The following RFX4 variants were observed in gnomAD, a reference collection of about 807,000 sequenced individuals.
The protein encoded by RFX4 is transcription factor RFX4.
In RFX4, 10 loss-of-function variants were observed where a neutral mutation model predicts 95.0. The ratio of observed to expected loss-of-function variants is 0.11; its 90% CI spans 0.06 to 0.18. RFX4 has a LOEUF of 0.18. RFX4 is among the 10% of genes least tolerant of loss of function. RFX4 has a pLI of 1.00. For missense variants in RFX4, 640 were observed against 922.0 expected (o/e 0.69, Z 3.96); for synonymous variants, 321 against 340.7 (o/e 0.94, Z 0.64).
chr12:106,632,808 C>T (rs901640041), intron 2 of RFX4, among the ~76,000 whole-genome samples: 2 of 151,960 alleles, frequency 1.3e-5, no homozygotes, highest in African/African-American at 4.8e-5. Context: ...TGCATGCCAC[C>T]GTATCTGGCA....
chr12:106,639,255 T>C, intron 2 of RFX4, 77 bp from the exon 3 acceptor site: 3 of 1,255,716 alleles, frequency 2.4e-6, no homozygotes, highest in Non-Finnish European at 1.1e-6. Context: ...CTTTTGAAAC[T>C]TGGGAGAGTC....
In RFX4 at chr12:106,710,839, A is replaced by G. The variant is rs150036605; in HGVS notation, c.935-614A>G. ...GTCTGCGTTGAAATCCACAGATATA[A>G]GATCACCCTACTTCAAATTATCAGC... On this transcript the variant is annotated intron_variant, in intron 9 of 17. Coordinates refer to ENST00000392842, the MANE Select transcript of RFX4 (RefSeq NM_213594.3). 1.1e-3 allele frequency among the ~76,000 whole-genome samples: 163 copies of G among 152,326 alleles called. 2 individuals carry two copies. The highest frequency in any genetic ancestry group is 6.2e-3 in the East Asian group (32 of 5,192).
intron 8 of RFX4, among the ~76,000 whole-genome samples, chr12:106,704,839 G>T (rs548492010): frequency 9.9e-5 from 15 of 152,218 alleles, no homozygotes; most frequent in Non-Finnish European, 2.2e-4. Flanking sequence ...ATGTGTGTGT[G>T]TGCGCGTGTG....
intron 5 of RFX4, chr12:106,683,501 C>T (rs1049446151): frequency 1.0e-4 from 5 of 47,976 alleles, no homozygotes; most frequent in Admixed American, 8.9e-4. Flanking sequence ...AAAAAACAAA[C>T]CTCAGTTATA....
intron 1 of RFX4, chr12:106,601,252 A>AGAGACAGAAAGGGGCT (rs2039700081): frequency 1.9e-6 from 3 of 1,570,212 alleles, no homozygotes; most frequent in Non-Finnish European, 2.6e-6. Flanking sequence ...GAGCCAGGAG[A>AGAGACAGAAAGGGGCT]GAGACAGAAA....
At chr12:106,668,850 T>G (rs77424084) in intron 4 of RFX4, among the ~76,000 whole-genome samples, 1 of 152,130 alleles carries the variant, frequency 6.6e-6, no homozygotes, top group South Asian at 2.1e-4. Flanking sequence ...GAGGGTGACA[T>G]GATTCATGGT....
rs758230689 is a variant in RFX4, at chr12:106,715,453, C to T, written c.1047C>T (p.Asp349=). ...SADITFQMLE[D]WRNVDLNSIT... ...ACATCACGTTCCAAATGCTGGAAGACTGGAGGAACGTGGACCTGAACAGCA... is the reference window on the plus strand; with the variant it reads ...ACATCACGTTCCAAATGCTGGAAGATTGGAGGAACGTGGACCTGAACAGCA... The change falls in exon 11 of 18, where the codon GAC becomes GAT. Residue 349 remains aspartate, a synonymous_variant. Transcript: ENST00000392842. 5.0e-6 allele frequency: 8 copies of T among 1,614,066 alleles called. No homozygotes were observed. The Admixed American group carries it at 1.2e-4, about 24-fold the overall frequency.
At chr12:106,742,736 T>C (rs1328585438) in intron 15 of RFX4, among the ~76,000 whole-genome samples, 2 of 152,182 alleles carry the variant, frequency 1.3e-5, no homozygotes. Context: ...AGACCTGCAT[T>C]GAAATCCCAA....
intron 4 of RFX4, chr12:106,681,275 C>T (rs2041504666): frequency 6.6e-6 from 1 of 152,198 alleles, no homozygotes; most frequent in Admixed American, 6.5e-5. Flanking sequence ...AGCGTGTGTT[C>T]AAGCAGGAGG....
intron 4 of RFX4, among the ~76,000 whole-genome samples, chr12:106,669,526 G>A (rs2041240473): frequency 6.6e-6 from 1 of 152,020 alleles, no homozygotes; most frequent in African/African-American, 2.4e-5. Flanking sequence ...GCATTGGAGA[G>A]AACAGAGACT....
At chr12:106,719,650 A>C (rs1232113648) in intron 11 of RFX4, among the ~76,000 whole-genome samples, 1 of 152,190 alleles carries the variant, frequency 6.6e-6, no homozygotes, top group Non-Finnish European at 1.5e-5. Flanking sequence ...CAGCTGGGAC[A>C]TGAGGAACCA....
intron 13 of RFX4, among the ~76,000 whole-genome samples, chr12:106,730,776 G>A (rs920874777): frequency 6.6e-6 from 1 of 152,162 alleles, no homozygotes; most frequent in Non-Finnish European, 1.5e-5. Context: ...CGAGGTAGGT[G>A]GATCACCTGA....
Position 106,720,927 on chromosome 12 carries a change from C to A in RFX4, c.1351+51C>A. On this transcript the variant is annotated intron_variant, in intron 13 of 17. Transcript: ENST00000392842. This position sits in a 1 kb window ranked among gnomAD's most constrained non-coding sequence, Gnocchi z 4.2. ...CTCCAAGCACTTTTTCCTCTGGGCA[C>A]GGAGCCCAGAGGAATCTACCACAGT... 3 of 1,519,826 alleles carry A rather than the reference C, an allele frequency of 2.0e-6. No homozygotes were observed. The highest frequency in any genetic ancestry group is 2.7e-6 in the Non-Finnish European group (3 of 1,096,178). 94.1% of individuals were successfully genotyped at this position (1,519,826 alleles called of 1,614,324 possible). A position where few individuals can be genotyped will look rare whatever the true frequency, so the allele number is the denominator to read the frequency against.
intron 4 of RFX4, among the ~76,000 whole-genome samples, chr12:106,662,837 GC>G (rs1230294621): frequency 6.6e-6 from 1 of 152,018 alleles, no homozygotes; most frequent in Non-Finnish European, 1.5e-5. Context: ...TTCATTTATT[GC>G]CTTTGATCCT....
intron 4 of RFX4, chr12:106,662,274 T>C (rs1419764380): frequency 7.8e-6 from 2 of 256,396 alleles, no homozygotes; most frequent in Non-Finnish European, 1.6e-5. Context: ...TATGTAGTGG[T>C]ATGTCGTTGT....
intron 3 of RFX4, among the ~76,000 whole-genome samples, chr12:106,642,470 G>C (rs1003619883): frequency 6.6e-6 from 1 of 151,976 alleles, no homozygotes; most frequent in African/African-American, 2.4e-5. Context: ...AAAAAACTTA[G>C]CTGGGCATGG....
rs758743724 is a variant in RFX4, at chr12:106,654,369, A to G, written c.315+18A>G. ...TTGGAAAGGTGAGTCCAGCCTCATC[A>G]GGCTTGTCCTCCCTACCACCCCAAC... On this transcript the variant is annotated intron_variant, in intron 4 of 17. Transcript: ENST00000392842. 6.2e-6 allele frequency: 10 copies of G among 1,608,430 alleles called. No individual in the cohort carries two copies. The Admixed American group carries it at 1.4e-4, about 22-fold the overall frequency.
chr12:106,587,460 G>T (rs955997782), intron 1 of RFX4, among the ~76,000 whole-genome samples: 1 of 152,220 alleles, frequency 6.6e-6, no homozygotes, highest in African/African-American at 2.4e-5. Flanking sequence ...AGGGCCCAGT[G>T]CGAGGAAGAG....
At chr12:106,713,579 C>A (rs2042229548) in intron 10 of RFX4, among the ~76,000 whole-genome samples, 1 of 152,120 alleles carries the variant, frequency 6.6e-6, no homozygotes. Flanking sequence ...AGCAAGAACA[C>A]CATGTGCAAA....
Sources: allele counts gnomAD v4.1 joint callset (sites outside exome capture counted in the v4.1 genomes callset), GRCh38; gene constraint gnomAD v4.1.1; non-coding constraint Gnocchi (gnomAD v3.1); transcripts MANE v1.5; gene names NCBI Gene and HGNC (gene_info 2026-07-23, HGNC 2026-07-21).